CARD8: variants seen among roughly 807,000 people sequenced by gnomAD.
CARD8 encodes the protein caspase recruitment domain family member 8.
A neutral mutation model predicts 53.2 loss-of-function variants in CARD8; 38 were observed. The observed-to-expected ratio is 0.71, with a 90% CI of 0.55 to 0.94. The LOEUF is 0.94. Among genes scored for constraint, CARD8 ranks in the 40% least tolerant of loss-of-function variants. CARD8 has a pLI of 0.00. For synonymous variants in CARD8, 245 were observed against 244.9 expected (o/e 1.00, Z 0.00); for missense variants, 561 against 655.5 (o/e 0.86, Z 1.57).
intron 11 of CARD8, among the ~76,000 whole-genome samples, chr19:48,221,511 C>G (rs1033585743): frequency 6.6e-6 from 1 of 152,096 alleles, no homozygotes; most frequent in African/African-American, 2.4e-5. Context: ...GTAGTTTTAA[C>G]CTAACATAAG....
downstream of CARD8, chr19:48,204,264 G>A: frequency 2.2e-6 from 1 of 448,200 alleles, no homozygotes; most frequent in Non-Finnish European, 4.5e-6. Context: ...AGGAGACGGG[G>A]ATTAGAGACC....
chr19:48,231,034 C>T (rs757618336), intron 8 of CARD8, 28 bp from the exon 9 acceptor site: 215 of 1,571,254 alleles, frequency 1.4e-4, no homozygotes, highest in Non-Finnish European at 1.8e-4. Context: ...GATGTCATGA[C>T]GGGAGAACCC....
At chr19:48,254,511 G>C (rs1600800277) in intron 1 of CARD8, among the ~76,000 whole-genome samples, 1 of 152,260 alleles carries the variant, frequency 6.6e-6, no homozygotes, top group East Asian at 1.9e-4. Flanking sequence ...CCAGCACTTT[G>C]GGAGGCCGAA....
downstream of CARD8, among the ~76,000 whole-genome samples, chr19:48,206,685 G>A (rs556256069): frequency 1.5e-4 from 23 of 148,496 alleles, no homozygotes; most frequent in African/African-American, 5.7e-4. Context: ...AGGGGCTCTT[G>A]AGCTACTTGC....
chr19:48,214,921 T>C (rs530673013), intron 13 of CARD8, among the ~76,000 whole-genome samples: 2 of 151,768 alleles, frequency 1.3e-5, no homozygotes, highest in African/African-American at 4.8e-5. Flanking sequence ...CCCGAGTAGC[T>C]GGGACCACAG....
At chr19:48,215,453 C>T (rs904527116) in intron 12 of CARD8, 69 bp from the exon 13 acceptor site, 74 of 1,057,422 alleles carry the variant, frequency 7.0e-5, no homozygotes, top group Non-Finnish European at 1.1e-4. Context: ...CTTTTCTAGT[C>T]TTTGATGCAA....
chr19:48,225,954 G>A (rs1276369428), intron 10 of CARD8, among the ~76,000 whole-genome samples: 2 of 150,780 alleles, frequency 1.3e-5, no homozygotes, highest in African/African-American at 4.9e-5. Flanking sequence ...TCAGGAGGCT[G>A]AGACAGGAGA....
chr19:48,217,111 C>G (rs1354157757), intron 12 of CARD8, among the ~76,000 whole-genome samples: 2 of 151,966 alleles, frequency 1.3e-5, no homozygotes, highest in Non-Finnish European at 2.9e-5. Flanking sequence ...ACCACTGATC[C>G]GACAGGAGGC....
intron 1 of CARD8, among the ~76,000 whole-genome samples, chr19:48,253,276 G>C (rs369036566): frequency 6.6e-6 from 1 of 151,818 alleles, no homozygotes; most frequent in South Asian, 2.1e-4. Context: ...GTAGAGACGG[G>C]GTTTCACCAA....
chr19:48,230,607 G>T lies in CARD8; in HGVS notation c.866C>A (p.Ala289Asp), dbSNP rs1486088688. 6.2e-7 allele frequency: 1 copy of T among 1,614,060 alleles called. No homozygotes were observed. The highest frequency in any genetic ancestry group is 8.5e-7 in the Non-Finnish European group (1 of 1,180,040). Residue 289 changes from alanine to aspartate, a missense_variant, in exon 10 of 14, where the codon GCT becomes GAT. Transcript: ENST00000651546. ...AGAGAAGCTGGGGCTTTCCAGGACA[G>T]CATAGAAAGGCTCCACCCGGGCTGG... is the stretch of plus-strand genomic sequence containing the variant. ...EHPARVEPFY[A>D]VLESPSFSLM... is the part of the protein sequence containing the mutation.
intron 8 of CARD8, 59 bp from the exon 9 acceptor site, chr19:48,231,065 C>G: frequency 2.9e-6 from 4 of 1,389,866 alleles, no homozygotes; most frequent in Non-Finnish European, 4.0e-6. Flanking sequence ...ATTTAAGCAG[C>G]GATGTGCAGA....
At chr19:48,207,840 ATT>A (rs1279656991), downstream of CARD8, among the ~76,000 whole-genome samples, 1 of 145,592 alleles carries the variant, frequency 6.9e-6, no homozygotes, top group Non-Finnish European at 1.5e-5. Context: ...GGCTCAAGTG[ATT>A]CTCATGCCTT....
chr19:48,225,469 C>T (rs755296503), intron 10 of CARD8, among the ~76,000 whole-genome samples: 5 of 151,316 alleles, frequency 3.3e-5, no homozygotes, highest in South Asian at 2.1e-4. Context: ...CCAGCCTGGG[C>T]GACAGGGCAA....
rs1491335139 is a variant in CARD8, at chr19:48,231,759, ACT to A, written c.441_442del (p.Lys147AsnfsTer4). ...ATAATCTTCTTCGATCTCAAAACAG[ACT>A]TTAGAAGCATAAGAGGAAACTATTT... On this transcript the variant is annotated frameshift_variant, in exon 8 of 14. Transcript: ENST00000651546. LOFTEE classifies it high-confidence loss of function. The A allele has an allele frequency of 6.2e-7, 1 of 1,607,436 alleles. No homozygotes were observed. Among genetic ancestry groups the A allele is most frequent in the African/African-American group, 1.3e-5 (1 of 74,948 alleles).
chr19:48,204,959 T>A (rs573358394), downstream of CARD8, among the ~76,000 whole-genome samples: 5 of 152,208 alleles, frequency 3.3e-5, no homozygotes, highest in Non-Finnish European at 4.4e-5. Context: ...AGTTACTCTC[T>A]GTTGTTTATC....
At chr19:48,217,490 C>T (rs1301628859) in intron 12 of CARD8, among the ~76,000 whole-genome samples, 2 of 152,194 alleles carry the variant, frequency 1.3e-5, no homozygotes, top group East Asian at 3.8e-4. Context: ...AACTTATCTT[C>T]ATATGGGTGC....
chr19:48,233,920 A>T (rs2043380005), intron 6 of CARD8: 1 of 159,384 alleles, frequency 6.3e-6, no homozygotes, highest in African/African-American at 2.4e-5. Flanking sequence ...GCAGGATGAC[A>T]GACTTCTGCA....
At chr19:48,221,360 A>C (rs2040590010) in intron 11 of CARD8, among the ~76,000 whole-genome samples, 1 of 152,226 alleles carries the variant, frequency 6.6e-6, no homozygotes, top group Non-Finnish European at 1.5e-5. Context: ...AAAATATATA[A>C]AATGAAATAT....
chr19:48,215,141 T>C, intron 13 of CARD8, 199 bp downstream of exon 13: 1 of 483,056 alleles, frequency 2.1e-6, no homozygotes, highest in Middle Eastern at 3.8e-4. Flanking sequence ...AAAACTTGCC[T>C]CGGTCTCTCC....
Sources: gnomAD v4.1 joint callset for allele counts (sites outside exome capture counted in the v4.1 genomes callset) on GRCh38, gnomAD v4.1.1 for gene constraint, MANE v1.5 for transcripts, NCBI Gene and HGNC (gene_info 2026-07-23, HGNC 2026-07-21) for gene names.